Variants in MLIP observed in about 807,000 individuals in gnomAD.
The protein encoded by MLIP is muscular LMNA-interacting protein.
Under a neutral mutation model 84.8 loss-of-function variants are expected in MLIP, and 79 were observed. The observed-to-expected ratio is 0.93, with a 90% CI of 0.78 to 1.12. The LOEUF is 1.12. Among genes scored for constraint, MLIP ranks in the 50% most tolerant of loss-of-function variants. MLIP has a pLI of 0.00. For missense variants in MLIP, 1,257 were observed against 1,160.6 expected (o/e 1.08, Z -1.21); for synonymous variants, 504 against 463.0 (o/e 1.09, Z -1.14).
chr6:54,167,503 G>T (rs1729946186), intron 8 of MLIP, among the ~76,000 whole-genome samples: 1 of 151,858 alleles, frequency 6.6e-6, no homozygotes, highest in East Asian at 2.0e-4. Flanking sequence ...GGTTAAGTAT[G>T]GTTGTTTTCA....
chr6:54,076,707 C>G (rs995829815), intron 1 of MLIP, among the ~76,000 whole-genome samples: 1 of 152,070 alleles, frequency 6.6e-6, no homozygotes, highest in Admixed American at 6.6e-5. Context: ...AAAATCAAAG[C>G]CTGAATACAA....
chr6:54,220,908 C>T (rs759450855), intron 11 of MLIP, among the ~76,000 whole-genome samples: 33 of 150,478 alleles, frequency 2.2e-4, no homozygotes, highest in African/African-American at 5.9e-4. Context: ...TAACCTATAA[C>T]GACAAAGGAG....
exon 1 of MLIP, chr6:54,018,984 C>G: frequency 6.6e-7 from 1 of 1,509,898 alleles, no homozygotes; most frequent in East Asian, 2.3e-5. Context: ...AGAATCTGAA[C>G]CTCTGTGTCT....
intron 4 of MLIP, among the ~76,000 whole-genome samples, chr6:54,143,498 A>G (rs1175999543): frequency 1.3e-5 from 2 of 151,922 alleles, no homozygotes; most frequent in African/African-American, 2.4e-5. Context: ...GAACCACCAC[A>G]CTGGCCAGGA....
intron 11 of MLIP, among the ~76,000 whole-genome samples, chr6:54,226,797 G>A (rs1780606418): frequency 6.6e-6 from 1 of 152,098 alleles, no homozygotes; most frequent in South Asian, 2.1e-4. Context: ...GAAAATAAAA[G>A]GGCCTCTTGG....
At chr6:54,155,002 G>A (rs1773868819) in intron 5 of MLIP, among the ~76,000 whole-genome samples, 1 of 151,968 alleles carries the variant, frequency 6.6e-6, no homozygotes, top group Admixed American at 6.6e-5. Flanking sequence ...TGGTTGGAAT[G>A]GTTTGCAAAA....
At chr6:54,020,375 G>A (rs1763428314) in intron 1 of MLIP, among the ~76,000 whole-genome samples, 2 of 152,084 alleles carry the variant, frequency 1.3e-5, no homozygotes, top group Non-Finnish European at 1.5e-5. Flanking sequence ...AATATGGAAA[G>A]AAAAAAGTTA....
At chr6:54,063,721 C>CGTGTGTGTGTGT (rs368630379) in intron 1 of MLIP, among the ~76,000 whole-genome samples, 2 of 143,134 alleles carry the variant, frequency 1.4e-5, no homozygotes, top group African/African-American at 5.1e-5. Context: ...AGGTCAGTGG[C>CGTGTGTGTGTGT]GTGTGTGTGT....
At chr6:54,134,320 A>C (rs1771629353) in intron 3 of MLIP, among the ~76,000 whole-genome samples, 1 of 152,174 alleles carries the variant, frequency 6.6e-6, no homozygotes, top group Admixed American at 6.6e-5. Context: ...TTTTATAAAA[A>C]AAGAATCCTT....
intron 10 of MLIP, among the ~76,000 whole-genome samples, chr6:54,190,650 A>G (rs1394759304): frequency 6.6e-6 from 1 of 152,048 alleles, no homozygotes; most frequent in Non-Finnish European, 1.5e-5. Flanking sequence ...ACAGATCCAG[A>G]CTCTAAAATC....
At chr6:54,216,850 A>C in intron 11 of MLIP, 1 of 985,360 alleles carries the variant, frequency 1.0e-6, no homozygotes, top group Non-Finnish European at 1.2e-6. Flanking sequence ...ACAATCTCTT[A>C]TTTCATAGTA....
intron 10 of MLIP, among the ~76,000 whole-genome samples, chr6:54,193,669 C>T (rs1778098868): frequency 6.6e-6 from 1 of 152,038 alleles, no homozygotes; most frequent in African/African-American, 2.4e-5. Context: ...TTTTGCACTG[C>T]CTGGAAAATG....
At chr6:54,140,907 T>A (rs1475257939) in intron 4 of MLIP, among the ~76,000 whole-genome samples, 1 of 152,180 alleles carries the variant, frequency 6.6e-6, no homozygotes, top group Non-Finnish European at 1.5e-5. Context: ...TCTTGCTCCT[T>A]CCAGTGTGAT....
At chr6:54,218,861 A>G (rs1410096401) in intron 11 of MLIP, among the ~76,000 whole-genome samples, 2 of 151,700 alleles carry the variant, frequency 1.3e-5, no homozygotes, top group Non-Finnish European at 2.9e-5. Context: ...GTAATTTTTT[A>G]CTTAATAAAC....
At chr6:54,114,897 G>T (rs1245661868) in intron 1 of MLIP, among the ~76,000 whole-genome samples, 1 of 152,182 alleles carries the variant, frequency 6.6e-6, no homozygotes, top group Non-Finnish European at 1.5e-5. Flanking sequence ...CCATAAAAAA[G>T]GGCAGAGATG....
chr6:54,132,447 A>C (rs1462589472), intron 3 of MLIP, among the ~76,000 whole-genome samples: 1 of 152,198 alleles, frequency 6.6e-6, no homozygotes, highest in Non-Finnish European at 1.5e-5. Flanking sequence ...AGTTTTTTTC[A>C]TTCATCTTTC....
intron 1 of MLIP, among the ~76,000 whole-genome samples, chr6:54,080,185 G>A (rs908533791): frequency 3.3e-5 from 5 of 151,960 alleles, no homozygotes; most frequent in East Asian, 1.9e-4. Context: ...TTTCATGGTC[G>A]CCTTTGCTTC....
chr6:54,181,265 A>G (rs1776834141), intron 9 of MLIP, among the ~76,000 whole-genome samples: 1 of 152,142 alleles, frequency 6.6e-6, no homozygotes, highest in African/African-American at 2.4e-5. Context: ...CACAGGCAAA[A>G]GAGCCTCTCC....
At chr6:54,084,672 A>G (rs1225110842) in intron 1 of MLIP, among the ~76,000 whole-genome samples, 2 of 152,190 alleles carry the variant, frequency 1.3e-5, no homozygotes, top group Non-Finnish European at 2.9e-5. Context: ...TTCTTTTTGA[A>G]TTCCTCAAAT....
Sources: allele counts gnomAD v4.1 joint callset (sites outside exome capture counted in the v4.1 genomes callset), GRCh38; gene constraint gnomAD v4.1.1; transcripts MANE v1.5; gene names NCBI Gene and HGNC (gene_info 2026-07-23, HGNC 2026-07-21).